Variants in BDP1 observed in about 807,000 individuals in gnomAD.
The protein encoded by BDP1 is transcription factor TFIIIB component B'' homolog.
In BDP1, 169 loss-of-function variants were observed where a neutral mutation model predicts 266.6. The observed-to-expected ratio is 0.63, with a 90% CI of 0.56 to 0.72. BDP1 has a LOEUF of 0.72. BDP1 is among the 30% of genes least tolerant of loss of function. The pLI is 0.00. For missense variants in BDP1, 3,015 were observed against 3,053.8 expected, an observed-to-expected ratio of 0.99 and a Z score of 0.30; for synonymous variants, 1,090 against 1,022.4, an observed-to-expected ratio of 1.07 and a Z score of -1.26.
intron 25 of BDP1, among the ~76,000 whole-genome samples, chr5:71,529,389 C>T (rs1766096981): frequency 2.0e-5 from 3 of 150,842 alleles, no homozygotes; most frequent in African/African-American, 7.3e-5. Context: ...AGCTCTGTCT[C>T]AAAAAACAAA....
intron 7 of BDP1, among the ~76,000 whole-genome samples, chr5:71,478,372 A>C (rs1267471125): frequency 6.6e-6 from 1 of 152,178 alleles, no homozygotes; most frequent in Non-Finnish European, 1.5e-5. Context: ...GCATTTAACT[A>C]TTTATTTACC....
chr5:71,487,065 T>C (rs1230737736), intron 9 of BDP1, among the ~76,000 whole-genome samples: 2 of 152,146 alleles, frequency 1.3e-5, no homozygotes, highest in African/African-American at 2.4e-5. Context: ...TTGTAACAGG[T>C]AGAAATTGTA....
intron 16 of BDP1, among the ~76,000 whole-genome samples, chr5:71,507,085 G>A (rs770557802): frequency 2.6e-5 from 4 of 152,132 alleles, no homozygotes; most frequent in Non-Finnish European, 5.9e-5. Context: ...GCCTCCCAAA[G>A]TGCTGGGATT....
At position 71,522,880 on chromosome 5, in the gene BDP1, G is replaced by C; in HGVS notation, c.5318G>C (p.Gly1773Ala). 1 of 1,613,200 alleles carries C rather than the reference G, an allele frequency of 6.2e-7. No homozygotes were observed. The highest frequency in any genetic ancestry group is 1.1e-5 in the South Asian group (1 of 90,822). Residue 1773 changes from glycine (G) to alanine (A), a missense_variant, in exon 24 of 39, where the codon GGA (glycine) becomes GCA (alanine). Physicochemically the swap from Gly to Ala is moderately conservative, Grantham distance 60. Around this residue, in one of 3 missense-constraint regions of BDP1, gnomAD observed 2,383 missense variants for 2,404.9 expected, o/e 0.99. Coordinates refer to ENST00000358731, the MANE Select transcript of BDP1 (RefSeq NM_018429.3). Reference sequence around the variant, plus strand: ...GAAGTTGGACCATCAAGAAGGGTTGGAGAGGAAACTGTAGGAGATAATTCA... The same window carrying C: ...GAAGTTGGACCATCAAGAAGGGTTGCAGAGGAAACTGTAGGAGATAATTCA... Reference protein sequence around the residue: ...LEEVGPSRRVGEETVGDNSPS... With the variant: ...LEEVGPSRRVAEETVGDNSPS...
rs1210727873 is a variant in BDP1, at chr5:71,464,082, A to T, written c.624A>T (p.Lys208Asn). The change falls in exon 4 of 39, where the codon AAA (lysine) becomes AAT (asparagine). Residue 208 changes from lysine (K) to asparagine (N), a missense_variant. Physicochemically the swap from Lys to Asn is moderately conservative, Grantham distance 94. Transcript: ENST00000358731. ...PMTSSLEQEK[K>N]TEKPSTPVQT... is the part of the protein sequence containing the mutation. Reference sequence around the variant, plus strand: ...GTTCTTCACTGGAACAAGAAAAGAAAACTGAAAAGCCATCGACTCCAGTCC... The same window carrying T: ...GTTCTTCACTGGAACAAGAAAAGAATACTGAAAAGCCATCGACTCCAGTCC... 1.3e-6 allele frequency: 2 copies of T among 1,579,580 alleles called. No homozygotes were observed. The highest frequency in any genetic ancestry group is 1.7e-6 in the Non-Finnish European group (2 of 1,160,912).
chr5:71,525,606 T>G (rs74915785), intron 25 of BDP1, among the ~76,000 whole-genome samples: 3 of 34,688 alleles, frequency 8.6e-5, no homozygotes, highest in Admixed American at 2.3e-4. Context: ...CCCAACCTCC[T>G]TCCCGGACGG....
At chr5:71,486,204 TA>T (rs1287154637) in intron 8 of BDP1, among the ~76,000 whole-genome samples, 3 of 152,224 alleles carry the variant, frequency 2.0e-5, no homozygotes, top group African/African-American at 4.8e-5. Flanking sequence ...AAAACTAGTT[TA>T]TTTGCAATAA....
rs771270417 is a variant in BDP1, at chr5:71,470,506, A to C, written c.1014+17A>C. 1.3e-6 allele frequency: 2 copies of C among 1,505,890 alleles called. No individual in the cohort carries two copies. The highest frequency in any genetic ancestry group is 1.7e-4 in the Middle Eastern group (1 of 5,810). 93.3% of individuals were successfully genotyped at this position (1,505,890 alleles called of 1,614,324 possible). A position where few individuals can be genotyped will look rare whatever the true frequency, so the allele number is the denominator to read the frequency against. Reference sequence around the variant, plus strand: ...GAAATTAAGGTAAAGTAAACCCATCACATTTGTTGATTGGAAAGAGACCAA... The same window carrying C: ...GAAATTAAGGTAAAGTAAACCCATCCCATTTGTTGATTGGAAAGAGACCAA... On this transcript the variant is annotated intron_variant, in intron 7 of 38. Transcript: ENST00000358731.
chr5:71,502,162 C>T (rs1764281181), intron 14 of BDP1, among the ~76,000 whole-genome samples: 1 of 150,638 alleles, frequency 6.6e-6, no homozygotes, highest in Admixed American at 6.7e-5. Flanking sequence ...AGAGGGCTTC[C>T]AGGATTATGT....
intron 7 of BDP1, among the ~76,000 whole-genome samples, chr5:71,483,120 G>T (rs761210895): frequency 1.3e-5 from 2 of 152,116 alleles, no homozygotes; most frequent in African/African-American, 4.8e-5. Context: ...CAATTAAAAA[G>T]CTTTATTTTT....
intron 4 of BDP1, among the ~76,000 whole-genome samples, chr5:71,465,442 T>A (rs1761845577): frequency 6.6e-6 from 1 of 152,112 alleles, no homozygotes; most frequent in Non-Finnish European, 1.5e-5. Flanking sequence ...TTAAATTTTT[T>A]TTGTAGTGGT....
chr5:71,456,037 C>G lies in BDP1; in HGVS notation c.160C>G (p.Pro54Ala), dbSNP rs769717696. The change falls in exon 1 of 39, where the codon CCC (proline) becomes GCC (alanine). Residue 54 changes from proline (P) to alanine (A), a missense_variant. Around this residue, in one of 3 missense-constraint regions of BDP1, gnomAD observed 2,383 missense variants for 2,404.9 expected, o/e 0.99. Transcript: ENST00000358731. Reference sequence around the variant, plus strand: ...CAAGCCCGCGGAGCCCACAGATGTGCCCACAGTCGATTTCGGTGGAGCGGA... The same window carrying G: ...CAAGCCCGCGGAGCCCACAGATGTGGCCACAGTCGATTTCGGTGGAGCGGA... ...ASKPAEPTDV[P>A]TVDFGGAEPQ... 3 of 1,613,522 alleles carry G rather than the reference C, an allele frequency of 1.9e-6. No individual in the cohort carries two copies. Among genetic ancestry groups the G allele is most frequent in the Non-Finnish European group, 2.5e-6 (3 of 1,180,028 alleles).
chr5:71,456,142 TC>T, intron 1 of BDP1, 53 bp downstream of exon 1: 1 of 1,533,848 alleles, frequency 6.5e-7, no homozygotes, highest in Admixed American at 1.9e-5. Flanking sequence ...TCCGGGCATG[TC>T]ACCTGGAAGC....
chr5:71,574,867 C>T, the BDP1 span, among the ~76,000 whole-genome samples: 1 of 152,166 alleles, frequency 6.6e-6, no homozygotes, highest in African/African-American at 2.4e-5. Context: ...CTAATAGACC[C>T]ACCTGTGTAA....
intron 28 of BDP1, 61 bp from the exon 29 acceptor site, chr5:71,541,393 A>G: frequency 1.5e-6 from 1 of 671,880 alleles, no homozygotes; most frequent in Non-Finnish European, 2.4e-6. Flanking sequence ...ATGTTGAGGA[A>G]TTTATTTTGA....
In BDP1 at chr5:71,516,213, T is replaced by A; in HGVS notation, c.4802T>A (p.Ile1601Asn). 6.2e-7 allele frequency: 1 copy of A among 1,613,372 alleles called. No homozygotes were observed. Among genetic ancestry groups the A allele is most frequent in the Non-Finnish European group, 8.5e-7 (1 of 1,179,622 alleles). The change falls in exon 21 of 39, where the codon ATT becomes AAT. Residue 1601 changes from isoleucine to asparagine, a missense_variant. Transcript: ENST00000358731. ...IVDKGEAKGI[I>N]KEGRTILPKD... ...GACAAAGGTGAAGCCAAAGGCATAA[T>A]TAAGGAAGGAAGAACGATATTACCA...
At chr5:71,576,771 C>T in the BDP1 span, among the ~76,000 whole-genome samples, 17 of 152,298 alleles carry the variant, frequency 1.1e-4, no homozygotes, top group Non-Finnish European at 1.9e-4. Flanking sequence ...CAATCCCAGT[C>T]GGCCGCCCAG....
chr5:71,520,834 G>T (rs1561743796), intron 22 of BDP1, among the ~76,000 whole-genome samples: 1 of 152,136 alleles, frequency 6.6e-6, no homozygotes, highest in Admixed American at 6.6e-5. Context: ...TTTGAGTAGG[G>T]AGTGTTGTGA....
In BDP1 at chr5:71,541,560, T is replaced by A. The variant is rs1766971000; in HGVS notation, c.6129T>A (p.Ser2043=). 1 of 1,611,936 alleles carries A rather than the reference T, an allele frequency of 6.2e-7. No individual in the cohort carries two copies. The highest frequency in any genetic ancestry group is 1.3e-5 in the African/African-American group (1 of 74,894). Residue 2043 remains serine (S), a synonymous_variant, in exon 29 of 39, where the codon TCT becomes TCA. Transcript: ENST00000358731. ...TTGTTCATGAATGTCAGGAACTTTCTTCACCTGTCATTACTACATCTCCTG... is the reference window on the plus strand; with the variant it reads ...TTGTTCATGAATGTCAGGAACTTTCATCACCTGTCATTACTACATCTCCTG... ...HKIVHECQEL[S]SPVITTSPAS... is the part of the protein sequence containing the mutation.
Sources: allele counts gnomAD v4.1 joint callset (sites outside exome capture counted in the v4.1 genomes callset), GRCh38; gene constraint gnomAD v4.1.1; regional missense constraint gnomAD v4.1.1; transcripts MANE v1.5; gene names NCBI Gene and HGNC (gene_info 2026-07-23, HGNC 2026-07-21).